Variants in C10orf90 observed in about 807,000 individuals in gnomAD.
The protein encoded by C10orf90 is (E2-independent) E3 ubiquitin-conjugating enzyme FATS.
C10orf90 carries 56 observed loss-of-function variants against 62.5 expected under a neutral mutation model. That is an observed-to-expected ratio of 0.90 (90% CI 0.72 to 1.12). C10orf90 has a LOEUF of 1.12. C10orf90 is among the 50% of genes most tolerant of loss of function. The pLI is 0.00. For synonymous variants in C10orf90, 386 were observed against 340.4 expected, an observed-to-expected ratio of 1.13 and a Z score of -1.47; for missense variants, 970 against 880.4, an observed-to-expected ratio of 1.10 and a Z score of -1.29.
At chr10:126,483,025 G>A (rs1027934287) in intron 4 of C10orf90, among the ~76,000 whole-genome samples, 15 of 152,174 alleles carry the variant, frequency 9.9e-5, no homozygotes, top group African/African-American at 3.4e-4. Flanking sequence ...AAAGAAAATT[G>A]CCTTCTAGAA....
At chr10:126,479,103 G>A (rs531696587) in intron 4 of C10orf90, among the ~76,000 whole-genome samples, 19 of 152,110 alleles carry the variant, frequency 1.2e-4, no homozygotes, top group Non-Finnish European at 2.6e-4. Context: ...CCGCTGTACC[G>A]CAGGGTGTGA....
chr10:126,528,947 A>T (rs1486224218), intron 2 of C10orf90, among the ~76,000 whole-genome samples: 1 of 152,226 alleles, frequency 6.6e-6, no homozygotes, highest in East Asian at 1.9e-4. Context: ...GCCCTATCAG[A>T]TATCAAAACT....
chr10:126,459,713 G>A (rs200657590), intron 6 of C10orf90, among the ~76,000 whole-genome samples: 1 of 152,218 alleles, frequency 6.6e-6, no homozygotes, highest in Non-Finnish European at 1.5e-5. Context: ...CACAACTGCG[G>A]CTGAAGGAAA....
chr10:126,608,024 T>C (rs540379212), intron 2 of C10orf90, among the ~76,000 whole-genome samples: 11 of 152,336 alleles, frequency 7.2e-5, no homozygotes, highest in African/African-American at 2.6e-4. Flanking sequence ...TGTAGAGTTT[T>C]AGTTTTCCAA....
At chr10:126,450,996 G>A (rs927032099) in intron 7 of C10orf90, among the ~76,000 whole-genome samples, 3 of 151,860 alleles carry the variant, frequency 2.0e-5, no homozygotes, top group Admixed American at 6.6e-5. Flanking sequence ...ACTTCCAATA[G>A]CAAGAAAGCA....
chr10:126,664,624 T>G (rs987397551), intron 1 of C10orf90, among the ~76,000 whole-genome samples: 14 of 152,220 alleles, frequency 9.2e-5, no homozygotes, highest in African/African-American at 3.1e-4. Context: ...GGCTGAAATG[T>G]GGATATGGTC....
chr10:126,504,224 C>T lies in C10orf90; in HGVS notation c.1267G>A (p.Gly423Arg), dbSNP rs755970781. Residue 423 changes from glycine (G) to arginine (R), a missense_variant, in exon 4 of 10, where the codon GGA becomes AGA. Gly to Arg is a moderately radical substitution (Grantham distance 125). Transcript: ENST00000488181. This position sits in a 1 kb window ranked among gnomAD's most constrained non-coding sequence, Gnocchi z 4.1. ...CGCTGGCCTACGAGGTCCTGGTCTC[C>T]CTCCAGGAGCTCCTGCTTCAGGGCT... ...SEALKQELLEGDQDLVGQRWN... is the reference protein window; with the variant it reads ...SEALKQELLERDQDLVGQRWN... The T allele has an allele frequency of 6.2e-7, 1 of 1,614,154 alleles. No individual in the cohort carries two copies. Among genetic ancestry groups the T allele is most frequent in the Non-Finnish European group, 8.5e-7 (1 of 1,180,040 alleles).
At chr10:126,668,726 C>T (rs1846684700) in intron 1 of C10orf90, among the ~76,000 whole-genome samples, 1 of 152,134 alleles carries the variant, frequency 6.6e-6, no homozygotes, top group Admixed American at 6.5e-5. Flanking sequence ...GCCCATCCAG[C>T]CCATCAGACT....
At chr10:126,654,663 T>G (rs953926203) in intron 1 of C10orf90, among the ~76,000 whole-genome samples, 4 of 152,236 alleles carry the variant, frequency 2.6e-5, no homozygotes, top group Non-Finnish European at 5.9e-5. Context: ...CATTCACAAC[T>G]TGGCTAACTC....
chr10:126,521,451 T>G (rs992299735), intron 2 of C10orf90: 7 of 1,514,484 alleles, frequency 4.6e-6, no homozygotes, highest in Non-Finnish European at 6.2e-6. Flanking sequence ...TGAGTCAGGC[T>G]TCCACCTTCC....
At chr10:126,501,506 G>A (rs563735502) in intron 4 of C10orf90, among the ~76,000 whole-genome samples, 4 of 152,210 alleles carry the variant, frequency 2.6e-5, no homozygotes, top group South Asian at 4.1e-4. Context: ...AGAATCCCAC[G>A]GAGCCTCTTT....
At chr10:126,513,751 A>G (rs2133918936) in intron 3 of C10orf90, 97 bp downstream of exon 3, 1 of 735,604 alleles carries the variant, frequency 1.4e-6, no homozygotes, top group East Asian at 2.6e-5. Context: ...TTGACTAAAT[A>G]AAATAAAATG....
At chr10:126,605,638 G>C (rs1177712244) in intron 2 of C10orf90, among the ~76,000 whole-genome samples, 5 of 152,162 alleles carry the variant, frequency 3.3e-5, no homozygotes, top group Non-Finnish European at 7.3e-5. Flanking sequence ...GAGAAAAGGA[G>C]GTTCCAAGGT....
chr10:126,499,230 T>C (rs1027605786), intron 4 of C10orf90, among the ~76,000 whole-genome samples: 8 of 152,156 alleles, frequency 5.3e-5, no homozygotes, highest in African/African-American at 1.9e-4. Flanking sequence ...ACAGTTAAGA[T>C]GGTGGTGACT....
chr10:126,465,088 G>T lies in C10orf90; in HGVS notation c.1535-102C>A, dbSNP rs571005774. On this transcript the variant is annotated intron_variant, in intron 4 of 9. Transcript: ENST00000488181. ...GCTTTTCTCGGGACAGACTTGGGGG[G>T]GAGTACAGCACTGCAAGTTCAGTTA... 2.4e-6 allele frequency: 3 copies of T among 1,259,690 alleles called. No individual in the cohort carries two copies. In the East Asian group the frequency reaches 7.2e-5, roughly 30 times the overall value. The allele number at this position is 1,259,690 out of a possible 1,614,324, so 78.0% of individuals were successfully genotyped here.
Position 126,546,566 on chromosome 10 carries a change from G to A in C10orf90, c.314-32627C>T, listed in dbSNP as rs565540091. ...AAGCCACGTGGGAAGCAGTAAGGAGGCACTCCTAAGCCTCCCCCCACCCAG... is the reference window on the plus strand; with the variant it reads ...AAGCCACGTGGGAAGCAGTAAGGAGACACTCCTAAGCCTCCCCCCACCCAG... On this transcript the variant is annotated intron_variant, in intron 2 of 9. Transcript: ENST00000488181. Among the ~76,000 whole-genome samples, 5 of 152,298 alleles carry A rather than the reference G, an allele frequency of 3.3e-5. No individual in the cohort carries two copies. The East Asian group carries it at 7.7e-4, about 24-fold the overall frequency.
intron 7 of C10orf90, among the ~76,000 whole-genome samples, chr10:126,435,726 C>T (rs567272885): frequency 1.3e-5 from 2 of 152,264 alleles, no homozygotes; most frequent in East Asian, 1.9e-4. Flanking sequence ...GCCCATGCTG[C>T]TCTATCTCTT....
Position 126,434,550 on chromosome 10 carries a change from A to G in C10orf90, c.2189-4700T>C, listed in dbSNP as rs548684184. On this transcript the variant is annotated intron_variant, in intron 7 of 9. Coordinates refer to ENST00000488181, the MANE Select transcript of C10orf90 (RefSeq NM_001350921.2). ...GATGTTTTAGACATTTGCTTCCCCT[A>G]TCTTAGAAACACCAAAACCAAGAGA... 1.2e-4 allele frequency among the ~76,000 whole-genome samples: 18 copies of G among 152,316 alleles called. No homozygotes were observed. The East Asian group carries it at 1.5e-3, about 13-fold the overall frequency.
chr10:126,601,830 T>C (rs956043358), intron 2 of C10orf90, among the ~76,000 whole-genome samples: 5 of 152,256 alleles, frequency 3.3e-5, no homozygotes, highest in Non-Finnish European at 5.9e-5. Context: ...TGCCTGTCAT[T>C]GCCCTGGGGC....
Sources: gnomAD v4.1 joint callset for allele counts (sites outside exome capture counted in the v4.1 genomes callset) on GRCh38, gnomAD v4.1.1 for gene constraint, Gnocchi (gnomAD v3.1) non-coding constraint, MANE v1.5 for transcripts, NCBI Gene and HGNC (gene_info 2026-07-23, HGNC 2026-07-21) for gene names.